DYM: variants seen among roughly 807,000 people sequenced by gnomAD.
DYM encodes the protein dymeclin.
Under a neutral mutation model 93.1 loss-of-function variants are expected in DYM, and 78 were observed. The ratio of observed to expected loss-of-function variants is 0.84; its 90% CI spans 0.70 to 1.01. The LOEUF (loss-of-function observed/expected upper bound fraction) is 1.01, where lower values mean the gene tolerates loss of function less well. Ranked by LOEUF, DYM falls within the 50% of genes least tolerant of loss-of-function variation. DYM has a pLI of 0.00. For synonymous variants in DYM, 321 were observed against 319.7 expected (o/e 1.00, Z -0.04); for missense variants, 789 against 845.0 (o/e 0.93, Z 0.82).
intron 11 of DYM, among the ~76,000 whole-genome samples, chr18:49,262,573 A>G (rs2094506814): frequency 6.6e-6 from 1 of 152,204 alleles, no homozygotes; most frequent in African/African-American, 2.4e-5. Flanking sequence ...TGATACATAT[A>G]AGAAGAATAT....
chr18:49,400,008 T>C (rs1324837449), intron 2 of DYM, among the ~76,000 whole-genome samples: 1 of 145,070 alleles, frequency 6.9e-6, no homozygotes, highest in Admixed American at 7.1e-5. Context: ...GTGAGTGATC[T>C]TGGCTCACTG....
intron 15 of DYM, among the ~76,000 whole-genome samples, chr18:49,144,358 G>A (rs559655505): frequency 6.6e-6 from 1 of 152,036 alleles, no homozygotes; most frequent in South Asian, 2.1e-4. Context: ...TTCTACATCA[G>A]GAGAAACATA....
At chr18:49,394,492 A>T (rs1352817292) in intron 2 of DYM, among the ~76,000 whole-genome samples, 3 of 152,100 alleles carry the variant, frequency 2.0e-5, no homozygotes, top group Admixed American at 2.0e-4. Flanking sequence ...CTTTTTGCTC[A>T]AGATTGCTTT....
intron 13 of DYM, among the ~76,000 whole-genome samples, chr18:49,230,087 A>C (rs902937132): frequency 5.9e-5 from 9 of 152,190 alleles, no homozygotes; most frequent in African/African-American, 1.9e-4. Context: ...AGCACAGCGG[A>C]ATCTTTAGGG....
At chr18:49,286,755 C>T in intron 8 of DYM, 139 bp from the exon 9 acceptor site, 1 of 818,732 alleles carries the variant, frequency 1.2e-6, no homozygotes, top group Non-Finnish European at 2.0e-6. Flanking sequence ...CTATACATTT[C>T]ACAAGGCCAG....
intron 17 of DYM, among the ~76,000 whole-genome samples, chr18:49,074,310 T>C (rs551887382): frequency 6.6e-6 from 1 of 152,356 alleles, no homozygotes; most frequent in East Asian, 1.9e-4. Context: ...ATTTACATTA[T>C]ATTAGGTATT....
chr18:49,132,038 T>C (rs568189430), intron 15 of DYM, among the ~76,000 whole-genome samples: 2 of 152,322 alleles, frequency 1.3e-5, no homozygotes, highest in East Asian at 3.9e-4. Context: ...CCAACAGCCA[T>C]TTTTGAGACT....
chr18:49,377,809 C>T (rs1436032747), intron 5 of DYM, among the ~76,000 whole-genome samples: 1 of 152,174 alleles, frequency 6.6e-6, no homozygotes, highest in South Asian at 2.1e-4. Context: ...TATACATATG[C>T]ATGAAATCCA....
rs528906108 is a variant in DYM, at chr18:49,040,219, A to G, written c.*3836T>C. The G allele has an allele frequency of 2.0e-5, 3 of 152,296 alleles. No individual in the cohort carries two copies. The highest frequency in any genetic ancestry group is 3.9e-4 in the East Asian group (2 of 5,186). 9.4% of individuals were successfully genotyped at this position (152,296 alleles called of 1,614,324 possible). ...CTTGAAGGACCCCAGAGTCAACAAGATAGTTAAGTATTACTTGTCCAGTTC... is the reference window on the plus strand; with the variant it reads ...CTTGAAGGACCCCAGAGTCAACAAGGTAGTTAAGTATTACTTGTCCAGTTC... On this transcript the variant is annotated 3_prime_UTR_variant, in exon 18 of 18. Coordinates refer to ENST00000675505, the MANE Select transcript of DYM (RefSeq NM_001353214.3).
rs1325311503 is a variant in DYM, at chr18:49,407,327, A to C, written c.141-15682T>G. Among the ~76,000 whole-genome samples the C allele has an allele frequency of 5.3e-5, 8 of 152,224 alleles. No individual in the cohort carries two copies. In the East Asian group the frequency reaches 1.5e-3, roughly 29 times the overall value. ...TAAACACATAAATGAATGCACGGAT[A>C]AATAACTGTGTTAGTCCATTTTGCA... On this transcript the variant is annotated intron_variant, in intron 2 of 17. Transcript: ENST00000675505.
At chr18:49,250,208 T>C (rs1284947361) in intron 13 of DYM, among the ~76,000 whole-genome samples, 1 of 152,360 alleles carries the variant, frequency 6.6e-6, no homozygotes, top group East Asian at 1.9e-4. Flanking sequence ...GTCTATTGTG[T>C]GCCTAGAGAG....
chr18:49,253,713 C>T (rs1401012774), intron 13 of DYM, among the ~76,000 whole-genome samples: 1 of 152,220 alleles, frequency 6.6e-6, no homozygotes, highest in Non-Finnish European at 1.5e-5. Context: ...TAGAACTACA[C>T]TTCCCTCAGT....
At chr18:49,314,570 A>C (rs1045269900) in intron 8 of DYM, among the ~76,000 whole-genome samples, 1 of 152,240 alleles carries the variant, frequency 6.6e-6, no homozygotes, top group Non-Finnish European at 1.5e-5. Flanking sequence ...CATTCTTAAC[A>C]AAGTAATATT....
At chr18:49,053,518 A>G (rs192978158) in intron 17 of DYM, among the ~76,000 whole-genome samples, 53 of 152,272 alleles carry the variant, frequency 3.5e-4, no homozygotes, top group African/African-American at 1.2e-3. Context: ...AGGAAATGGG[A>G]GATTGCTGGT....
At chr18:49,252,464 C>G (rs1186272278) in intron 13 of DYM, among the ~76,000 whole-genome samples, 2 of 151,998 alleles carry the variant, frequency 1.3e-5, no homozygotes, top group African/African-American at 2.4e-5. Flanking sequence ...TGAATGAGAA[C>G]AGCATGAGGG....
At chr18:49,317,646 C>CTCCTCTCCTCTCCTTCCT (rs750848541) in intron 8 of DYM, among the ~76,000 whole-genome samples, 9 of 36,610 alleles carry the variant, frequency 2.5e-4, no homozygotes, top group South Asian at 1.5e-3. Flanking sequence ...ATCCTCTCCT[C>CTCCTCTCCTCTCCTTCCT]TCCTTCCTTC....
intron 17 of DYM, among the ~76,000 whole-genome samples, chr18:49,060,066 T>C (rs2075825862): frequency 6.6e-6 from 1 of 152,206 alleles, no homozygotes; most frequent in African/African-American, 2.4e-5. Flanking sequence ...TAACATTTAC[T>C]TGGAGAGCTA....
chr18:49,164,255 A>G (rs2145091906), intron 14 of DYM, among the ~76,000 whole-genome samples: 1 of 152,308 alleles, frequency 6.6e-6, no homozygotes, highest in East Asian at 1.9e-4. Context: ...TAATGATTCA[A>G]AATGTTTTAT....
intron 9 of DYM, among the ~76,000 whole-genome samples, chr18:49,283,021 T>A (rs1248275663): frequency 1.3e-5 from 2 of 152,282 alleles, no homozygotes; most frequent in East Asian, 3.9e-4. Flanking sequence ...AAATTAATCA[T>A]AAGTTGAAAA....
Sources: allele counts gnomAD v4.1 joint callset (sites outside exome capture counted in the v4.1 genomes callset), GRCh38; gene constraint gnomAD v4.1.1; transcripts MANE v1.5; gene names NCBI Gene and HGNC (gene_info 2026-07-23, HGNC 2026-07-21).